ERICH5: variants seen among roughly 807,000 people sequenced by gnomAD.
The protein encoded by ERICH5 is glutamate-rich protein 5.
Under a neutral mutation model 28.0 loss-of-function variants are expected in ERICH5, and 24 were observed. The observed-to-expected ratio is 0.86, with a 90% CI of 0.62 to 1.21. The LOEUF (loss-of-function observed/expected upper bound fraction) is 1.21, where lower values mean the gene tolerates loss of function less well. Ranked by LOEUF, ERICH5 falls within the 50% of genes most tolerant of loss-of-function variation. The pLI, the probability that ERICH5 is intolerant of heterozygous loss-of-function variation, is 0.00. For synonymous variants in ERICH5, 163 were observed against 157.6 expected (o/e 1.03, Z -0.25); for missense variants, 421 against 441.2 (o/e 0.95, Z 0.41).
chr8:98,071,513 C>G (rs1814917976), intron 1 of ERICH5, among the ~76,000 whole-genome samples: 1 of 152,014 alleles, frequency 6.6e-6, no homozygotes, highest in Non-Finnish European at 1.5e-5. Context: ...GGGTCTTGCT[C>G]TGTTGCCGAG....
In ERICH5 at chr8:98,089,202, T is replaced by G. The variant is rs1815336748; in HGVS notation, c.185T>G (p.Leu62Ter). The G allele has an allele frequency of 1.2e-6, 2 of 1,614,040 alleles. No individual in the cohort carries two copies. Among genetic ancestry groups the G allele is most frequent in the Non-Finnish European group, 1.7e-6 (2 of 1,180,034 alleles). ...GNVQRESRPP[L>*]QKLKVSAEPT... Reference sequence around the variant, plus strand: ...GTACAAAGGGAAAGCCGTCCTCCCTTACAAAAGCTCAAGGTTTCAGCAGAG... The same window carrying G: ...GTACAAAGGGAAAGCCGTCCTCCCTGACAAAAGCTCAAGGTTTCAGCAGAG... The change falls in exon 2 of 3, where the codon TTA becomes TGA. Residue 62 changes from leucine (L) to a stop codon, truncating the protein, a stop_gained. Transcript: ENST00000318528. LOFTEE classifies it high-confidence loss of function.
chr8:98,089,931 T>G lies in ERICH5; in HGVS notation c.914T>G (p.Val305Gly). 6.2e-7 allele frequency: 1 copy of G among 1,614,156 alleles called. No homozygotes were observed. Among genetic ancestry groups the G allele is most frequent in the Non-Finnish European group, 8.5e-7 (1 of 1,180,016 alleles). ...NMEQIQPEGI[V>G]GSMEHPARNV... Reference sequence around the variant, plus strand: ...GAGCAGATTCAACCTGAAGGAATAGTTGGAAGCATGGAGCATCCAGCACGA... The same window carrying G: ...GAGCAGATTCAACCTGAAGGAATAGGTGGAAGCATGGAGCATCCAGCACGA... The change falls in exon 2 of 3, where the codon GTT (valine) becomes GGT (glycine). Residue 305 changes from valine (V) to glycine (G), a missense_variant. By Grantham distance (109) the Val-to-Gly change is moderately radical. Transcript: ENST00000318528.
rs1021480524 is a variant in ERICH5, at chr8:98,081,831, G to A, written c.59-7245G>A. On this transcript the variant is annotated intron_variant, in intron 1 of 2. Coordinates refer to ENST00000318528, the MANE Select transcript of ERICH5 (RefSeq NM_173549.3). ...TAATCCCAGCTACTCAGGAGGCGGA[G>A]GCAGGAGAATTGCTTGTACCCAGGA... is the stretch of plus-strand genomic sequence containing the variant. Among the ~76,000 whole-genome samples the A allele has an allele frequency of 2.6e-5, 4 of 152,034 alleles. No homozygotes were observed. In the South Asian group the frequency reaches 8.3e-4, roughly 32 times the overall value.
At chr8:98,092,164 A>AT (rs965051498) in intron 2 of ERICH5, among the ~76,000 whole-genome samples, 27 of 150,354 alleles carry the variant, frequency 1.8e-4, no homozygotes, top group African/African-American at 6.1e-4. Flanking sequence ...TGCCTGGCTA[A>AT]TTTTTTTTTC....
chr8:98,093,451 T>C lies in ERICH5; in HGVS notation c.*118T>C. 1.6e-6 allele frequency: 1 copy of C among 620,140 alleles called. No individual in the cohort carries two copies. 38.4% of individuals were successfully genotyped at this position (620,140 alleles called of 1,614,324 possible). Reference sequence around the variant, plus strand: ...ATGTTTTCTGTAAGGAGTGTGGTTATAGAGAGACTGTTGGAACCATGAGAA... The same window carrying C: ...ATGTTTTCTGTAAGGAGTGTGGTTACAGAGAGACTGTTGGAACCATGAGAA... On this transcript the variant is annotated 3_prime_UTR_variant, in exon 3 of 3. Transcript: ENST00000318528.
chr8:98,089,073 AAGT>A lies in ERICH5; in HGVS notation c.59-1_60del. 1.3e-6 allele frequency: 2 copies of A among 1,585,424 alleles called. No individual in the cohort carries two copies. Among genetic ancestry groups the A allele is most frequent in the Non-Finnish European group, 1.7e-6 (2 of 1,167,394 alleles). On this transcript the variant is annotated splice_acceptor_variant and coding_sequence_variant, in exon 2 of 3. Transcript: ENST00000318528. LOFTEE classifies it high-confidence loss of function. ...TTTTTCTTTTTCAAATGAATAACCA[AAGT>A]AACTTCAAATGAGCATTTTTCAACT... is the stretch of plus-strand genomic sequence containing the variant.
intron 2 of ERICH5, among the ~76,000 whole-genome samples, chr8:98,092,901 G>A (rs941460558): frequency 1.4e-4 from 21 of 150,882 alleles, no homozygotes; most frequent in African/African-American, 2.0e-4. Context: ...TCAGCCCCCC[G>A]AGTAGCTGGG....
At chr8:98,086,274 T>C (rs1815278247) in intron 1 of ERICH5, among the ~76,000 whole-genome samples, 1 of 152,134 alleles carries the variant, frequency 6.6e-6, no homozygotes, top group African/African-American at 2.4e-5. Flanking sequence ...AAGGAAAGCT[T>C]AATTTGATTA....
intron 2 of ERICH5, among the ~76,000 whole-genome samples, chr8:98,092,777 CTTTT>C (rs1038008713): frequency 2.1e-5 from 3 of 139,894 alleles, no homozygotes; most frequent in Admixed American, 7.2e-5. Flanking sequence ...TTTTCTTTTC[CTTTT>C]TTTTTTTTTT....
intron 1 of ERICH5, among the ~76,000 whole-genome samples, chr8:98,079,108 C>A (rs909614083): frequency 1.3e-5 from 2 of 150,684 alleles, no homozygotes; most frequent in African/African-American, 4.9e-5. Flanking sequence ...ATTTGAATTT[C>A]CCCGAAGACA....
chr8:98,080,531 T>C (rs1266106687), intron 1 of ERICH5, among the ~76,000 whole-genome samples: 1 of 152,320 alleles, frequency 6.6e-6, no homozygotes, highest in East Asian at 1.9e-4. Flanking sequence ...CTCTGAGAGA[T>C]GGTTCAAAAC....
chr8:98,075,827 C>T (rs1427467043), intron 1 of ERICH5, among the ~76,000 whole-genome samples: 2 of 111,636 alleles, frequency 1.8e-5, no homozygotes, highest in Non-Finnish European at 3.5e-5. Context: ...TGCTATGTTG[C>T]CCAGGCTTGT....
intron 1 of ERICH5, among the ~76,000 whole-genome samples, chr8:98,071,220 T>C (rs1175948153): frequency 6.6e-6 from 1 of 151,982 alleles, no homozygotes; most frequent in East Asian, 1.9e-4. Context: ...GAGGTTGCAG[T>C]GGGCAGAGAT....
chr8:98,089,306 C>T lies in ERICH5; in HGVS notation c.289C>T (p.Gln97Ter). Residue 97 changes from glutamine (Q) to a stop codon, truncating the protein, a stop_gained, in exon 2 of 3, where the codon CAA becomes TAA. Transcript: ENST00000318528. LOFTEE classifies it high-confidence loss of function. ...AGCCCCTGGAAGGGATGCCACAGAC[C>T]AATCAGGGTCCACAGAAAAGACTCA... ...DVAPGRDATD[Q>*]SGSTEKTQPG... 3.1e-6 allele frequency: 5 copies of T among 1,614,232 alleles called. No individual in the cohort carries two copies. Among genetic ancestry groups the T allele is most frequent in the Non-Finnish European group, 4.2e-6 (5 of 1,180,044 alleles).
chr8:98,077,841 A>T (rs1815087140), intron 1 of ERICH5, among the ~76,000 whole-genome samples: 2 of 152,140 alleles, frequency 1.3e-5, no homozygotes. Flanking sequence ...AAGTATTGGG[A>T]TTACAGGCGT....
At chr8:98,077,557 A>G (rs762006485) in intron 1 of ERICH5, among the ~76,000 whole-genome samples, 1 of 152,228 alleles carries the variant, frequency 6.6e-6, no homozygotes, top group Non-Finnish European at 1.5e-5. Flanking sequence ...AAAATTGGAA[A>G]AGTATATCTG....
chr8:98,075,880 A>C (rs1235082889), intron 1 of ERICH5, among the ~76,000 whole-genome samples: 1 of 147,236 alleles, frequency 6.8e-6, no homozygotes, highest in Admixed American at 6.9e-5. Context: ...TGCTTGGATT[A>C]CAGATGTGAG....
chr8:98,091,836 TTTTCTTTCTTTCTTTCTTTC>T lies in ERICH5; in HGVS notation c.1013-1340_1013-1321del, dbSNP rs3074382. On this transcript the variant is annotated intron_variant, in intron 2 of 2. Coordinates refer to ENST00000318528, the MANE Select transcript of ERICH5 (RefSeq NM_173549.3). ...AGACTTTCTTTTTCTTTCTTTTTCT[TTTTCTTTCTTTCTTTCTTTC>T]TTTCTTTCTTTCTTTCTTTCTTTCT... Among the ~76,000 whole-genome samples, 96 of 107,300 alleles carry T rather than the reference TTTTCTTTCTTTCTTTCTTTC, an allele frequency of 8.9e-4. 1 individual carries two copies. The highest frequency in any genetic ancestry group is 2.0e-3 in the East Asian group (7 of 3,544). 70.4% of individuals were successfully genotyped at this position (107,300 alleles called of 152,430 possible). A position where few individuals can be genotyped will look rare whatever the true frequency, so the allele number is the denominator to read the frequency against.
intron 1 of ERICH5, among the ~76,000 whole-genome samples, chr8:98,080,637 T>TCTCCTTCTCCTTCTTCTTCTC (rs1815164288): frequency 1.3e-5 from 2 of 151,030 alleles, no homozygotes; most frequent in Non-Finnish European, 3.0e-5. Flanking sequence ...TTCACCTTCT[T>TCTCCTTCTCCTTCTTCTTCTC]CTCCTTCTCC....
Sources: gnomAD v4.1 joint callset for allele counts (sites outside exome capture counted in the v4.1 genomes callset) on GRCh38, gnomAD v4.1.1 for gene constraint, MANE v1.5 for transcripts, NCBI Gene and HGNC (gene_info 2026-07-23, HGNC 2026-07-21) for gene names.